Variants in PLPPR1 observed in about 807,000 individuals in gnomAD.
PLPPR1 encodes the protein phospholipid phosphatase related 1.
In PLPPR1, 10 loss-of-function variants were observed where a neutral mutation model predicts 33.1. The ratio of observed to expected loss-of-function variants is 0.30; its 90% CI spans 0.19 to 0.51. PLPPR1 has a LOEUF of 0.51. PLPPR1 is among the 20% of genes least tolerant of loss of function. PLPPR1 has a pLI of 0.97. For missense variants in PLPPR1, 304 were observed against 408.1 expected (o/e 0.74, Z 2.20); for synonymous variants, 151 against 151.0 (o/e 1.00, Z 0.00).
intron 1 of PLPPR1, among the ~76,000 whole-genome samples, chr9:101,098,916 T>C (rs1830856588): frequency 2.0e-5 from 3 of 152,106 alleles, no homozygotes; most frequent in South Asian, 4.1e-4. Flanking sequence ...CTTTTGTCTA[T>C]AGATGAGCGT....
At chr9:101,293,225 A>G (rs1449369133) in intron 4 of PLPPR1, among the ~76,000 whole-genome samples, 2 of 144,040 alleles carry the variant, frequency 1.4e-5, no homozygotes, top group African/African-American at 5.3e-5. Context: ...CATAATGGTA[A>G]AGGGATCAAT....
intron 1 of PLPPR1, among the ~76,000 whole-genome samples, chr9:101,035,517 T>C (rs1354512176): frequency 6.6e-6 from 1 of 152,162 alleles, no homozygotes; most frequent in African/African-American, 2.4e-5. Context: ...TCCGTCCTTG[T>C]CTTCCCCTAA....
chr9:101,149,420 C>T (rs1394694634), intron 1 of PLPPR1, among the ~76,000 whole-genome samples: 3 of 152,114 alleles, frequency 2.0e-5, no homozygotes, highest in Non-Finnish European at 4.4e-5. Flanking sequence ...CTATAAGACC[C>T]CACAGTCTTA....
At chr9:101,072,891 A>G (rs533992071) in intron 1 of PLPPR1, among the ~76,000 whole-genome samples, 1 of 152,304 alleles carries the variant, frequency 6.6e-6, no homozygotes, top group African/African-American at 2.4e-5. Flanking sequence ...CGCATGTTGT[A>G]TTAAAGAAAA....
intron 2 of PLPPR1, among the ~76,000 whole-genome samples, chr9:101,249,970 A>G (rs1387873337): frequency 6.6e-6 from 1 of 152,084 alleles, no homozygotes; most frequent in Admixed American, 6.6e-5. Flanking sequence ...GTACAGTAGT[A>G]GGGGTTCAAC....
At chr9:101,127,147 A>G (rs1831255566) in intron 1 of PLPPR1, among the ~76,000 whole-genome samples, 1 of 151,958 alleles carries the variant, frequency 6.6e-6, no homozygotes, top group Non-Finnish European at 1.5e-5. Context: ...CGTTCTTCCA[A>G]GTACTCAACT....
intron 1 of PLPPR1, among the ~76,000 whole-genome samples, chr9:101,148,059 C>CT (rs1308104596): frequency 6.6e-6 from 1 of 152,130 alleles, no homozygotes; most frequent in Non-Finnish European, 1.5e-5. Flanking sequence ...CAACCTGCCT[C>CT]TCTGCTCCAA....
chr9:101,307,307 A>G (rs1291910667), intron 4 of PLPPR1, among the ~76,000 whole-genome samples: 2 of 152,170 alleles, frequency 1.3e-5, no homozygotes, highest in Admixed American at 6.5e-5. Flanking sequence ...AATTGGAAAC[A>G]CTTCTGACAA....
Position 101,248,903 on chromosome 9 carries a change from T to C in PLPPR1, c.64-20977T>C, listed in dbSNP as rs150840057. 4.9e-3 allele frequency among the ~76,000 whole-genome samples: 740 copies of C among 152,114 alleles called. 11 individuals carry two copies. The highest frequency in any genetic ancestry group is 5.3e-3 in the Non-Finnish European group (358 of 67,960). ...AAGAAAGACTTTCTGAGGCCAAAAC[T>C]CAAAAAGTGGTCTTAAGATTGTCAG... On this transcript the variant is annotated intron_variant, in intron 2 of 7. Coordinates refer to ENST00000374874, the MANE Select transcript of PLPPR1 (RefSeq NM_207299.2).
At chr9:101,297,844 T>C (rs1828677694) in intron 4 of PLPPR1, among the ~76,000 whole-genome samples, 1 of 152,170 alleles carries the variant, frequency 6.6e-6, no homozygotes, top group African/African-American at 2.4e-5. Flanking sequence ...TTACATTGTG[T>C]AGTAACAGCA....
chr9:101,227,632 G>T (rs762869139), intron 2 of PLPPR1, among the ~76,000 whole-genome samples: 1 of 152,158 alleles, frequency 6.6e-6, no homozygotes, highest in Non-Finnish European at 1.5e-5. Flanking sequence ...CAAGTGAATT[G>T]TAGGCCAGCA....
At chr9:101,314,733 G>C (rs1288402793) in intron 6 of PLPPR1, among the ~76,000 whole-genome samples, 2 of 145,248 alleles carry the variant, frequency 1.4e-5, no homozygotes, top group African/African-American at 5.3e-5. Flanking sequence ...GGACAGTGTT[G>C]TCAAAAAGCT....
intron 1 of PLPPR1, among the ~76,000 whole-genome samples, chr9:101,131,325 C>T (rs1461648603): frequency 6.6e-6 from 1 of 152,130 alleles, no homozygotes; most frequent in Non-Finnish European, 1.5e-5. Context: ...TATTTGAAAC[C>T]TAAGCTGAGG....
chr9:101,259,657 G>A (rs988906634), intron 2 of PLPPR1, among the ~76,000 whole-genome samples: 1 of 152,136 alleles, frequency 6.6e-6, no homozygotes, highest in African/African-American at 2.4e-5. Flanking sequence ...AGGTCCTGAT[G>A]ACATGTGCCC....
chr9:101,294,540 GC>G (rs1294356861), intron 4 of PLPPR1, among the ~76,000 whole-genome samples: 4 of 151,958 alleles, frequency 2.6e-5, no homozygotes, highest in Non-Finnish European at 5.9e-5. Context: ...GAACATTGAT[GC>G]AAAAATCCTC....
chr9:101,106,247 T>A (rs1336926487), intron 1 of PLPPR1, among the ~76,000 whole-genome samples: 1 of 145,394 alleles, frequency 6.9e-6, no homozygotes, highest in Non-Finnish European at 1.5e-5. Context: ...CTAGTCTCGA[T>A]GGTCTTTACA....
intron 1 of PLPPR1, among the ~76,000 whole-genome samples, chr9:101,074,861 G>A (rs1464156589): frequency 6.6e-6 from 1 of 152,138 alleles, no homozygotes; most frequent in Non-Finnish European, 1.5e-5. Flanking sequence ...ACAGATACAA[G>A]TTTATGAAGT....
chr9:101,109,882 T>C (rs1283438844), intron 1 of PLPPR1, among the ~76,000 whole-genome samples: 1 of 152,238 alleles, frequency 6.6e-6, no homozygotes, highest in African/African-American at 2.4e-5. Context: ...ACATGTCACT[T>C]TCAAAGTTAC....
At position 101,085,002 on chromosome 9, in the gene PLPPR1, A is replaced by G. The variant is rs142795685; in HGVS notation, c.-46+55900A>G. ...TCATTATTTTTGTGATTCATGGGCT[A>G]GTTATTTCTTTATTCCTTGACCAAT... On this transcript the variant is annotated intron_variant, in intron 1 of 7. Transcript: ENST00000374874. Among the ~76,000 whole-genome samples, 5 of 152,302 alleles carry G rather than the reference A, an allele frequency of 3.3e-5. No individual in the cohort carries two copies. The East Asian group carries it at 7.7e-4, about 24-fold the overall frequency.
Sources: gnomAD v4.1 joint callset for allele counts (sites outside exome capture counted in the v4.1 genomes callset) on GRCh38, gnomAD v4.1.1 for gene constraint, MANE v1.5 for transcripts, NCBI Gene and HGNC (gene_info 2026-07-23, HGNC 2026-07-21) for gene names.